TRAPPC10: variants seen among roughly 807,000 people sequenced by gnomAD.
TRAPPC10 encodes the protein TRAPP 130 kDa subunit.
Under a neutral mutation model 125.5 loss-of-function variants are expected in TRAPPC10, and 23 were observed. The observed-to-expected ratio is 0.18, with a 90% CI of 0.13 to 0.26. The LOEUF (loss-of-function observed/expected upper bound fraction) is 0.26, where lower values mean the gene tolerates loss of function less well. TRAPPC10 is among the 10% of genes least tolerant of loss of function. The pLI, the probability that TRAPPC10 is intolerant of heterozygous loss-of-function variation, is 1.00. For missense variants in TRAPPC10, 1,123 were observed against 1,308.4 expected (o/e 0.86, Z 2.19); for synonymous variants, 509 against 518.0 (o/e 0.98, Z 0.24).
rs1216583141 is a variant in TRAPPC10 at position 44,050,515 on chromosome 21, G to A, written c.286-1765G>A. Among the ~76,000 whole-genome samples, 8 of 152,264 alleles carry A rather than the reference G, an allele frequency of 5.3e-5. No homozygotes were observed. The East Asian group carries it at 1.5e-3, about 29-fold the overall frequency. On this transcript the variant is annotated intron_variant, in intron 3 of 22. Coordinates refer to ENST00000291574, the MANE Select transcript of TRAPPC10 (RefSeq NM_003274.5). ...GACGTGTGGATGGGGTCAGCCGGGT[G>A]CTATGTGTATTTTCTTGGCAGTCAC... is the stretch of plus-strand genomic sequence containing the variant.
intron 1 of TRAPPC10, among the ~76,000 whole-genome samples, chr21:44,022,103 CTTTTGTTTTTGT>C (rs751481970): frequency 9.0e-6 from 1 of 111,246 alleles, no homozygotes; most frequent in Non-Finnish European, 2.0e-5. Flanking sequence ...TTCTTTCTTT[CTTTTGTTTTTGT>C]TTTTGTTTTT....
intron 15 of TRAPPC10, 45 bp from the exon 16 acceptor site, chr21:44,086,757 C>T (rs1303019315): frequency 6.9e-6 from 11 of 1,605,416 alleles, no homozygotes; most frequent in Non-Finnish European, 8.5e-6. Flanking sequence ...GAGATGCTGT[C>T]TTCCGGTTGG....
At position 44,094,214 on chromosome 21, in the gene TRAPPC10, T is replaced by G; in HGVS notation, c.3149T>G (p.Phe1050Cys). ...TCCTTAAAGCCGTATACTTATGAAT[T>G]TAAAGTGGAAAATTTTTTTGTAAGT... The part of the protein sequence containing the change: ...SISLKPYTYE[F>C]KVENFFTLYN... The change falls in exon 20 of 23, where the codon TTT becomes TGT. Residue 1050 changes from phenylalanine to cysteine, a missense_variant. Physicochemically the swap from Phe to Cys is radical, Grantham distance 205 (BLOSUM62 -2). This residue lies in a region of TRAPPC10 where 840 missense variants were observed against 902.0 expected (regional missense o/e 0.93). Coordinates refer to ENST00000291574, the MANE Select transcript of TRAPPC10 (RefSeq NM_003274.5). The G allele has an allele frequency of 6.2e-7, 1 of 1,608,432 alleles. No individual in the cohort carries two copies.
chr21:44,064,088 G>C (rs1209461859), intron 7 of TRAPPC10, among the ~76,000 whole-genome samples: 2 of 152,180 alleles, frequency 1.3e-5, no homozygotes, highest in African/African-American at 4.8e-5. Flanking sequence ...GTCTCCACGG[G>C]GAAGAGTCAC....
intron 1 of TRAPPC10, among the ~76,000 whole-genome samples, chr21:44,016,530 A>T (rs2031861551): frequency 6.6e-6 from 1 of 152,168 alleles, no homozygotes; most frequent in South Asian, 2.1e-4. Flanking sequence ...GAGTTTCTGT[A>T]TTTGGGGTTC....
At chr21:44,055,593 AGGAGGAGGAAGG>A in intron 4 of TRAPPC10, 93 bp from the exon 5 acceptor site, 1 of 802,742 alleles carries the variant, frequency 1.2e-6, no homozygotes, top group South Asian at 2.6e-5. Flanking sequence ...AAAAAAAAAA[AGGAGGAGGAAGG>A]AAGAAAATTG....
At chr21:44,024,788 G>T (rs901312520) in intron 1 of TRAPPC10, among the ~76,000 whole-genome samples, 1 of 151,996 alleles carries the variant, frequency 6.6e-6, no homozygotes, top group Non-Finnish European at 1.5e-5. Context: ...ACAAAATGAG[G>T]TCTATTTAAA....
chr21:44,037,706 C>T (rs532825683), intron 2 of TRAPPC10, 86 bp from the exon 3 acceptor site: 44 of 1,464,578 alleles, frequency 3.0e-5, no homozygotes, highest in East Asian at 9.1e-5. Flanking sequence ...TCATGCATAC[C>T]ATTACATTAT....
chr21:44,081,957 C>T (rs567603152), intron 13 of TRAPPC10, among the ~76,000 whole-genome samples: 9 of 152,250 alleles, frequency 5.9e-5, no homozygotes, highest in African/African-American at 2.2e-4. Context: ...GAGTCTTTAA[C>T]GCGCCCAAGC....
intron 17 of TRAPPC10, chr21:44,089,371 T>C: frequency 2.8e-6 from 1 of 363,080 alleles, no homozygotes; most frequent in Non-Finnish European, 5.6e-6. Flanking sequence ...TTCAGTTACA[T>C]ATTCAGCCTC....
rs199606766 is a variant in TRAPPC10 at position 44,037,810 on chromosome 21, G to A, written c.168G>A (p.Pro56=). Residue 56 remains proline (P), a synonymous_variant, in exon 3 of 23, where the codon CCG becomes CCA. Transcript: ENST00000291574. The part of the protein sequence containing the change: ...MEWRRSYGRA[P]KMIHLESNFV... Reference sequence around the variant, plus strand: ...TTTACAGGTCCTATGGCCGGGCTCCGAAGATGATTCACCTAGAGTCTAACT... The same window carrying A: ...TTTACAGGTCCTATGGCCGGGCTCCAAAGATGATTCACCTAGAGTCTAACT... 17 of 1,613,706 alleles carry A rather than the reference G, an allele frequency of 1.1e-5. No individual in the cohort carries two copies. Among genetic ancestry groups the A allele is most frequent in the South Asian group, 8.8e-5 (8 of 91,048 alleles).
chr21:44,074,249 C>G, intron 7 of TRAPPC10, 75 bp from the exon 8 acceptor site: 1 of 1,586,090 alleles, frequency 6.3e-7, no homozygotes, highest in Non-Finnish European at 8.6e-7. Flanking sequence ...CACGTTCAAG[C>G]TAGAGCATGT....
chr21:44,076,614 GA>G lies in TRAPPC10; in HGVS notation c.1368del (p.Lys456AsnfsTer4). On this transcript the variant is annotated frameshift_variant, in exon 10 of 23. Coordinates refer to ENST00000291574, the MANE Select transcript of TRAPPC10 (RefSeq NM_003274.5). LOFTEE classifies it high-confidence loss of function. ...AGCATTATCGTCAGTGGAAGCTTTT[GA>G]AAAACACTACTTAGTAAGTATTAAC... ...KEALSSVEAFEKHYLDLSHAT... is the reference protein window; with the variant it reads ...KEALSSVEAFXKHYLDLSHAT... 6.2e-7 allele frequency: 1 copy of G among 1,613,004 alleles called. No individual in the cohort carries two copies. The highest frequency in any genetic ancestry group is 8.5e-7 in the Non-Finnish European group (1 of 1,178,994).
chr21:44,012,466 G>A lies in TRAPPC10; in HGVS notation c.-28G>A. 1 of 1,431,600 alleles carries A rather than the reference G, an allele frequency of 7.0e-7. No homozygotes were observed. Among genetic ancestry groups the A allele is most frequent in the East Asian group, 3.2e-5 (1 of 31,290 alleles). The allele number at this position is 1,431,600 out of a possible 1,614,324, so 88.7% of individuals were successfully genotyped here. A position where few individuals can be genotyped will look rare whatever the true frequency, so the allele number is the denominator to read the frequency against. On this transcript the variant is annotated 5_prime_UTR_variant, in exon 1 of 23. Coordinates refer to ENST00000291574, the MANE Select transcript of TRAPPC10 (RefSeq NM_003274.5). ...CCTCGGGGCTGCCCATGGGGCGCGG[G>A]GGGCCGGGCCGGTGACGCCGGACGC...
At chr21:44,088,163 C>T in intron 17 of TRAPPC10, 1 of 556,376 alleles carries the variant, frequency 1.8e-6, no homozygotes. Context: ...GTTCCAGGGG[C>T]CAGGGAGTTT....
intron 18 of TRAPPC10, among the ~76,000 whole-genome samples, chr21:44,091,318 G>A (rs1042512303): frequency 2.0e-5 from 3 of 152,314 alleles, no homozygotes; most frequent in South Asian, 4.1e-4. Flanking sequence ...CTGTCTCCCC[G>A]TGGCTCCCCA....
rs147154247 is a variant in TRAPPC10 at position 44,027,662 on chromosome 21, C to T, written c.68-4429C>T. Among the ~76,000 whole-genome samples the T allele has an allele frequency of 2.2e-3, 338 of 152,168 alleles. 1 individual carries two copies. Among genetic ancestry groups the T allele is most frequent in the African/African-American group, 7.7e-3 (321 of 41,488 alleles). On this transcript the variant is annotated intron_variant, in intron 1 of 22. Transcript: ENST00000291574. ...TTCAGGGTGAGTATGCGTGAAGTGC[C>T]GGGGGCATAGCAGGCGCACGGTGCT...
chr21:44,094,162 C>G lies in TRAPPC10; in HGVS notation c.3097C>G (p.Pro1033Ala). The stretch of plus-strand genomic sequence containing the variant: ...TTGCCGGTTCTCTGTTGGATTTTCC[C>G]CAGCTTCTGAGGAACAGCTGTCTAT... ...LHCRFSVGFS[P>A]ASEEQLSISL... The change falls in exon 20 of 23, where the codon CCA becomes GCA. Residue 1033 changes from proline to alanine, a missense_variant. Around this residue, in one of 4 missense-constraint regions of TRAPPC10, gnomAD observed 840 missense variants for 902.0 expected, o/e 0.93. Coordinates refer to ENST00000291574, the MANE Select transcript of TRAPPC10 (RefSeq NM_003274.5). The G allele has an allele frequency of 6.2e-7, 1 of 1,614,186 alleles. No individual in the cohort carries two copies. The highest frequency in any genetic ancestry group is 8.5e-7 in the Non-Finnish European group (1 of 1,180,032).
Position 44,052,323 on chromosome 21 carries a change from A to G in TRAPPC10, c.329A>G (p.Lys110Arg). 6.2e-7 allele frequency: 1 copy of G among 1,607,338 alleles called. No individual in the cohort carries two copies. The highest frequency in any genetic ancestry group is 8.5e-7 in the Non-Finnish European group (1 of 1,178,384). ...YKATVKDDLTKWQNVLKAHSS... is the reference protein window; with the variant it reads ...YKATVKDDLTRWQNVLKAHSS... Reference sequence around the variant, plus strand: ...GCTACAGTAAAAGATGACCTCACCAAGTGGCAGAATGTTCTGAAGGCTCAT... The same window carrying G: ...GCTACAGTAAAAGATGACCTCACCAGGTGGCAGAATGTTCTGAAGGCTCAT... Residue 110 changes from lysine (K) to arginine (R), a missense_variant, in exon 4 of 23, where the codon AAG (lysine) becomes AGG (arginine). Around this residue, in one of 4 missense-constraint regions of TRAPPC10, gnomAD observed 177 missense variants for 228.9 expected, o/e 0.77. Coordinates refer to ENST00000291574, the MANE Select transcript of TRAPPC10 (RefSeq NM_003274.5).
Sources: gnomAD v4.1 joint callset for allele counts (sites outside exome capture counted in the v4.1 genomes callset) on GRCh38, gnomAD v4.1.1 for gene constraint, gnomAD v4.1.1 regional missense constraint, MANE v1.5 for transcripts, NCBI Gene and HGNC (gene_info 2026-07-23, HGNC 2026-07-21) for gene names.